The following TC2N variants were observed in gnomAD, a reference collection of about 807,000 sequenced individuals.
TC2N encodes tandem C2 domains, nuclear.
A neutral mutation model predicts 61.9 loss-of-function variants in TC2N; 51 were observed. That is an observed-to-expected ratio of 0.82 (90% CI 0.66 to 1.04). TC2N has a LOEUF of 1.04. Ranked by LOEUF, TC2N falls within the 50% of genes least tolerant of loss-of-function variation. The pLI is 0.00. For synonymous variants in TC2N, 204 were observed against 192.6 expected (o/e 1.06, Z -0.49); for missense variants, 556 against 566.7 (o/e 0.98, Z 0.19).
chr14:91,821,112 A>G (rs976464004), intron 1 of TC2N, among the ~76,000 whole-genome samples: 1 of 152,030 alleles, frequency 6.6e-6, no homozygotes, highest in African/African-American at 2.4e-5. Context: ...TTTTTTACAG[A>G]AATTGACAAG....
intron 6 of TC2N, 104 bp from the exon 7 acceptor site, chr14:91,798,503 C>A: frequency 1.5e-6 from 1 of 674,012 alleles, no homozygotes; most frequent in Non-Finnish European, 2.6e-6. Flanking sequence ...TAAAATGCTA[C>A]AATTATTTTT....
At chr14:91,791,187 GGAGGGGAGGGGAGGGGAGAA>G (rs1566761639) in intron 9 of TC2N, among the ~76,000 whole-genome samples, 3 of 128,652 alleles carry the variant, frequency 2.3e-5, no homozygotes, top group African/African-American at 8.6e-5. Context: ...GGAGGGGAGG[GGAGGGGAGGGGAGGGGAGAA>G]GAGGGGAGGG....
chr14:91,849,683 C>T (rs1199530462), intron 1 of TC2N, among the ~76,000 whole-genome samples: 7 of 152,140 alleles, frequency 4.6e-5, no homozygotes, highest in South Asian at 2.1e-4. Flanking sequence ...CATTTTTATT[C>T]GACTATGATT....
rs1029920010 is a variant in TC2N, at chr14:91,858,162, T to C, written c.-57+9100A>G. Among the ~76,000 whole-genome samples, 95 of 149,396 alleles carry C rather than the reference T, an allele frequency of 6.4e-4. 1 individual carries two copies. Among genetic ancestry groups the C allele is most frequent in the African/African-American group, 2.1e-3 (86 of 40,794 alleles). On this transcript the variant is annotated intron_variant, in intron 1 of 11. Transcript: ENST00000435962. The stretch of plus-strand genomic sequence containing the variant: ...TTCTTTCTTCTTCTTCTTTTTTTTT[T>C]TTTTTTTTTTGGTAAAGATGGGGTT...
chr14:91,788,597 TCCCCAATAACTGGC>T (rs371445570), intron 9 of TC2N, among the ~76,000 whole-genome samples: 206 of 152,218 alleles, frequency 1.4e-3, no homozygotes, highest in African/African-American at 4.0e-3. Context: ...TGCTCAGTAT[TCCCCAATAACTGGC>T]TCATAGCTCA....
intron 1 of TC2N, among the ~76,000 whole-genome samples, chr14:91,845,546 G>T (rs1888254178): frequency 1.3e-5 from 2 of 152,262 alleles, no homozygotes; most frequent in South Asian, 2.1e-4. Flanking sequence ...ACTTGTTCTG[G>T]ACAGAATTCT....
intron 8 of TC2N, 116 bp downstream of exon 8, chr14:91,797,669 T>A: frequency 2.9e-6 from 2 of 691,546 alleles, no homozygotes. Flanking sequence ...TAATACATAG[T>A]TGTAGTTTCC....
At chr14:91,847,279 T>C (rs1369492411) in intron 1 of TC2N, among the ~76,000 whole-genome samples, 2 of 144,570 alleles carry the variant, frequency 1.4e-5, no homozygotes, top group Non-Finnish European at 3.0e-5. Context: ...AAAAAGGAAA[T>C]GTTTTAGTTT....
chr14:91,861,379 G>A (rs1888584991), intron 1 of TC2N, among the ~76,000 whole-genome samples: 2 of 152,244 alleles, frequency 1.3e-5, no homozygotes, highest in African/African-American at 4.8e-5. Flanking sequence ...GCTAAGGAGA[G>A]AAGAAAAGAG....
intron 1 of TC2N, among the ~76,000 whole-genome samples, chr14:91,860,925 T>C (rs1192817238): frequency 6.6e-6 from 1 of 152,230 alleles, no homozygotes; most frequent in Admixed American, 6.5e-5. Context: ...TAAGGGTTCT[T>C]TGTGACTGGC....
chr14:91,850,381 T>C (rs1888351006), intron 1 of TC2N, among the ~76,000 whole-genome samples: 1 of 152,114 alleles, frequency 6.6e-6, no homozygotes, highest in Admixed American at 6.5e-5. Flanking sequence ...GCATACACTA[T>C]AAAGCGGGGG....
intron 9 of TC2N, among the ~76,000 whole-genome samples, 189 bp downstream of exon 9, chr14:91,792,178 T>C (rs933061976): frequency 6.6e-6 from 1 of 150,856 alleles, no homozygotes; most frequent in African/African-American, 2.4e-5. Flanking sequence ...TATTTTCCAA[T>C]GGAGAAAGAA....
chr14:91,839,081 T>C (rs1355599376), intron 1 of TC2N, among the ~76,000 whole-genome samples: 2 of 152,214 alleles, frequency 1.3e-5, no homozygotes, highest in African/African-American at 4.8e-5. Flanking sequence ...GTATCAATTC[T>C]TTCATTTGAT....
At chr14:91,795,731 G>A (rs1452488062) in intron 8 of TC2N, among the ~76,000 whole-genome samples, 2 of 152,028 alleles carry the variant, frequency 1.3e-5, no homozygotes, top group African/African-American at 4.8e-5. Context: ...TCATTTTAGT[G>A]TGGCAGTCTG....
At chr14:91,818,663 GT>G (rs1887112501) in intron 1 of TC2N, among the ~76,000 whole-genome samples, 1 of 152,032 alleles carries the variant, frequency 6.6e-6, no homozygotes, top group Non-Finnish European at 1.5e-5. Context: ...TGTTCAAAAG[GT>G]TAAGTAGAGA....
intron 11 of TC2N, among the ~76,000 whole-genome samples, chr14:91,784,015 C>T (rs1359809265): frequency 6.6e-6 from 1 of 152,032 alleles, no homozygotes; most frequent in Admixed American, 6.6e-5. Context: ...AGAGTACTTT[C>T]GTTGATACAG....
intron 3 of TC2N, among the ~76,000 whole-genome samples, chr14:91,811,859 T>C (rs771131705): frequency 6.6e-5 from 10 of 152,028 alleles, no homozygotes; most frequent in Non-Finnish European, 1.3e-4. Flanking sequence ...CATCCTCCCA[T>C]ATGCTTTAAA....
At chr14:91,791,131 CA>C (rs1363273869) in intron 9 of TC2N, among the ~76,000 whole-genome samples, 1 of 124,976 alleles carries the variant, frequency 8.0e-6, no homozygotes, top group South Asian at 2.7e-4. Context: ...CTGTCTTCCT[CA>C]AAAAAAAGGG....
intron 1 of TC2N, among the ~76,000 whole-genome samples, chr14:91,840,011 T>C (rs1166811230): frequency 6.6e-6 from 1 of 152,234 alleles, no homozygotes; most frequent in Non-Finnish European, 1.5e-5. Flanking sequence ...GTTTCACTTC[T>C]GCATCTAGGC....
Sources: gnomAD v4.1 joint callset for allele counts (sites outside exome capture counted in the v4.1 genomes callset) on GRCh38, gnomAD v4.1.1 for gene constraint, MANE v1.5 for transcripts, NCBI Gene and HGNC (gene_info 2026-07-23, HGNC 2026-07-21) for gene names.